Variants in IL26 observed in about 807,000 individuals in gnomAD.
IL26 encodes interleukin 26, also known as interleukin-26.
In IL26, 23 loss-of-function variants were observed where a neutral mutation model predicts 21.7. The observed-to-expected ratio is 1.06, with a 90% CI of 0.76 to 1.50. The LOEUF (loss-of-function observed/expected upper bound fraction) is 1.50, where lower values mean the gene tolerates loss of function less well. Among genes scored for constraint, IL26 ranks in the 40% most tolerant of loss-of-function variants. The pLI is 0.00. For synonymous variants in IL26, 63 were observed against 67.8 expected, an observed-to-expected ratio of 0.93 and a Z score of 0.34; for missense variants, 204 against 196.0, an observed-to-expected ratio of 1.04 and a Z score of -0.24.
rs776988407 is a variant in IL26, at chr12:68,225,780, T to A, written c.-24A>T. 2 of 1,611,778 alleles carry A rather than the reference T, an allele frequency of 1.2e-6. No homozygotes were observed. The highest frequency in any genetic ancestry group is 2.2e-5 in the East Asian group (1 of 44,872). Reference sequence around the variant, plus strand: ...ATTTCCCTTCACCCCACTCAGCGTGTGTCACTCACAGCAGCCCAAGAGATA... The same window carrying A: ...ATTTCCCTTCACCCCACTCAGCGTGAGTCACTCACAGCAGCCCAAGAGATA... On this transcript the variant is annotated 5_prime_UTR_variant, in exon 1 of 5. Coordinates refer to ENST00000229134, the MANE Select transcript of IL26 (RefSeq NM_018402.2).
chr12:68,213,667 C>T (rs921320036), intron 3 of IL26, among the ~76,000 whole-genome samples: 2 of 151,828 alleles, frequency 1.3e-5, no homozygotes, highest in Non-Finnish European at 2.9e-5. Flanking sequence ...TATAATTTTC[C>T]GTAATATTCT....
rs574764702 is a variant in IL26, at chr12:68,215,171, C to A, written c.363+9978G>T. ...ACTATACTTTAACTCCATCCCCCAACACACACACATTTTGACTTTTTGTTG... is the reference window on the plus strand; with the variant it reads ...ACTATACTTTAACTCCATCCCCCAAAACACACACATTTTGACTTTTTGTTG... On this transcript the variant is annotated intron_variant, in intron 3 of 4. Coordinates refer to ENST00000229134, the MANE Select transcript of IL26 (RefSeq NM_018402.2). 4.6e-5 allele frequency among the ~76,000 whole-genome samples: 7 copies of A among 152,294 alleles called. No homozygotes were observed. In the South Asian group the frequency reaches 1.5e-3, roughly 32 times the overall value.
At chr12:68,224,262 A>T (rs953273525) in intron 3 of IL26, among the ~76,000 whole-genome samples, 3 of 151,622 alleles carry the variant, frequency 2.0e-5, no homozygotes, top group African/African-American at 7.3e-5. Flanking sequence ...CTCGACTAAC[A>T]TTGCACAGAT....
chr12:68,224,472 T>C (rs570046085), intron 3 of IL26, among the ~76,000 whole-genome samples: 81 of 152,210 alleles, frequency 5.3e-4, no homozygotes, highest in African/African-American at 1.8e-3. Flanking sequence ...AAGGCATGTC[T>C]ATCCCTTTTT....
At chr12:68,214,757 T>C (rs11571023) in intron 3 of IL26, among the ~76,000 whole-genome samples, 1,553 of 152,300 alleles carry the variant, frequency 0.01, 35 homozygotes, top group African/African-American at 0.036. Flanking sequence ...AGGTGGCATA[T>C]TGTTTGGTCT....
At chr12:68,217,968 A>C (rs1450289508) in intron 3 of IL26, among the ~76,000 whole-genome samples, 1 of 152,164 alleles carries the variant, frequency 6.6e-6, no homozygotes, top group African/African-American at 2.4e-5. Flanking sequence ...AATATGGTAG[A>C]GTTTACAGAA....
At chr12:68,217,303 G>T (rs1868913030) in intron 3 of IL26, among the ~76,000 whole-genome samples, 1 of 152,072 alleles carries the variant, frequency 6.6e-6, no homozygotes, top group South Asian at 2.1e-4. Context: ...AAACGGACTT[G>T]CAAGGAAGCC....
chr12:68,201,759 A>T lies in IL26; in HGVS notation c.*86T>A, dbSNP rs1043606216. On this transcript the variant is annotated 3_prime_UTR_variant, in exon 5 of 5. Coordinates refer to ENST00000229134, the MANE Select transcript of IL26 (RefSeq NM_018402.2). The stretch of plus-strand genomic sequence containing the variant: ...GTCAGTATTATGTTAAAAAGTTTTT[A>T]AAAGAAATAGACTGTTATAAACATA... The T allele has an allele frequency of 2.2e-6, 2 of 910,960 alleles. No homozygotes were observed. The highest frequency in any genetic ancestry group is 3.3e-6 in the Non-Finnish European group (2 of 611,814). 56.4% of individuals were successfully genotyped at this position (910,960 alleles called of 1,614,324 possible).
chr12:68,218,485 C>A (rs535047003), intron 3 of IL26, among the ~76,000 whole-genome samples: 2 of 151,812 alleles, frequency 1.3e-5, no homozygotes, highest in African/African-American at 2.4e-5. Flanking sequence ...ACAAAAGAAA[C>A]GATTAGTGAT....
intron 3 of IL26, among the ~76,000 whole-genome samples, chr12:68,221,597 CA>C (rs995453767): frequency 6.6e-6 from 1 of 152,142 alleles, no homozygotes; most frequent in African/African-American, 2.4e-5. Context: ...ATATGAATGT[CA>C]AAAGAGTTGT....
chr12:68,222,551 A>G (rs1202978672), intron 3 of IL26, among the ~76,000 whole-genome samples: 3 of 152,202 alleles, frequency 2.0e-5, no homozygotes, highest in Admixed American at 1.3e-4. Flanking sequence ...ATTATCCCAG[A>G]GTACCGCCTC....
intron 3 of IL26, among the ~76,000 whole-genome samples, chr12:68,220,696 G>A (rs1355022622): frequency 6.6e-6 from 1 of 152,212 alleles, no homozygotes; most frequent in Non-Finnish European, 1.5e-5. Flanking sequence ...GAGTGCAGTG[G>A]TGCGGTCTTG....
At chr12:68,206,204 G>C (rs1379759363) in intron 3 of IL26, among the ~76,000 whole-genome samples, 6 of 152,186 alleles carry the variant, frequency 3.9e-5, no homozygotes, top group Non-Finnish European at 8.8e-5. Flanking sequence ...CTATAACAAT[G>C]ATAGCATCTT....
rs563401133 is a variant in IL26 at position 68,219,710 on chromosome 12, T to C, written c.363+5439A>G. Among the ~76,000 whole-genome samples the C allele has an allele frequency of 2.6e-5, 4 of 151,802 alleles. No individual in the cohort carries two copies. In the South Asian group the frequency reaches 8.3e-4, roughly 31 times the overall value. On this transcript the variant is annotated intron_variant, in intron 3 of 4. Transcript: ENST00000229134. ...AAATTTAATAGAAGAAAATGAATAA[T>C]AATGTTCAGAATAAAAATCACTGAA... is the stretch of plus-strand genomic sequence containing the variant.
At chr12:68,221,300 G>A (rs991171684) in intron 3 of IL26, among the ~76,000 whole-genome samples, 2 of 152,158 alleles carry the variant, frequency 1.3e-5, no homozygotes. Flanking sequence ...AATGGGGTGG[G>A]AGGAAAAGGA....
In IL26 at chr12:68,220,258, G is replaced by C. The variant is rs573573612; in HGVS notation, c.363+4891C>G. 2.1e-4 allele frequency among the ~76,000 whole-genome samples: 32 copies of C among 152,072 alleles called. 1 individual carries two copies. Among genetic ancestry groups the C allele is most frequent in the Non-Finnish European group, 3.4e-4 (23 of 67,984 alleles). On this transcript the variant is annotated intron_variant, in intron 3 of 4. Transcript: ENST00000229134. ...GTGACACAGATATTACAAGAAAACC[G>C]TAGACTAACATCTAACATATGTAGA...
At chr12:68,218,788 T>A (rs891836989) in intron 3 of IL26, among the ~76,000 whole-genome samples, 1 of 151,920 alleles carries the variant, frequency 6.6e-6, no homozygotes, top group Non-Finnish European at 1.5e-5. Context: ...ATAATCAAAT[T>A]GCTTAAAACA....
rs1868635855 is a variant in IL26, at chr12:68,209,317, G to A, written c.364-7234C>T. Among the ~76,000 whole-genome samples the A allele has an allele frequency of 2.0e-5, 3 of 152,144 alleles. No homozygotes were observed. The South Asian group carries it at 6.2e-4, about 32-fold the overall frequency. Reference sequence around the variant, plus strand: ...GCTCTGGAAGCCCAGACTATTTATTGGTGATCAAACAAAGAAACAGGTGGT... The same window carrying A: ...GCTCTGGAAGCCCAGACTATTTATTAGTGATCAAACAAAGAAACAGGTGGT... On this transcript the variant is annotated intron_variant, in intron 3 of 4. Coordinates refer to ENST00000229134, the MANE Select transcript of IL26 (RefSeq NM_018402.2).
At chr12:68,225,311 A>G (rs1869209558) in intron 2 of IL26, 28 bp from the exon 3 acceptor site, 1 of 1,592,464 alleles carries the variant, frequency 6.3e-7, no homozygotes, top group Non-Finnish European at 8.6e-7. Context: ...GAAATTGCAT[A>G]TGGTAAATTA....
Sources: allele counts gnomAD v4.1 joint callset (sites outside exome capture counted in the v4.1 genomes callset), GRCh38; gene constraint gnomAD v4.1.1; transcripts MANE v1.5; gene names NCBI Gene and HGNC (gene_info 2026-07-23, HGNC 2026-07-21).